LARP1: variants seen among roughly 807,000 people sequenced by gnomAD.
LARP1 encodes La ribonucleoprotein 1, translational regulator.
Under a neutral mutation model 122.7 loss-of-function variants are expected in LARP1, and 36 were observed. The observed-to-expected ratio is 0.29, with a 90% CI of 0.22 to 0.39. The LOEUF (loss-of-function observed/expected upper bound fraction) is 0.39. Ranked by LOEUF, LARP1 falls within the 10% of genes least tolerant of loss-of-function variation. The pLI, the probability that LARP1 is intolerant of heterozygous loss-of-function variation, is 1.00. For synonymous variants in LARP1, 539 were observed against 528.7 expected (o/e 1.02, Z -0.27); for missense variants, 1,040 against 1,403.6 (o/e 0.74, Z 4.14).
chr5:154,796,149 A>G (rs1218600115), intron 8 of LARP1, among the ~76,000 whole-genome samples: 12 of 121,444 alleles, frequency 9.9e-5, no homozygotes, highest in Non-Finnish European at 1.5e-4. Context: ...TTTATATATT[A>G]TATATATATT....
At chr5:154,804,398 A>T in intron 14 of LARP1, 91 bp downstream of exon 14, 1 of 805,982 alleles carries the variant, frequency 1.2e-6, no homozygotes, top group Non-Finnish European at 2.0e-6. Flanking sequence ...GATTGGTCTG[A>T]AAATTAAAGG....
At position 154,786,571 on chromosome 5, in the gene LARP1, C is replaced by T. The variant is rs75313830; in HGVS notation, c.437-3754C>T. ...CCTGCTACAGTCTGGGCCTCGGAGA[C>T]CTGTGGACAGATAAGCTGCTGGGCC... On this transcript the variant is annotated intron_variant, in intron 1 of 18. Coordinates refer to ENST00000518297, the MANE Select transcript of LARP1 (RefSeq NM_033551.3). 2.9e-3 allele frequency: 1,305 copies of T among 442,436 alleles called. 11 individuals are homozygous for T. The highest frequency in any genetic ancestry group is 0.024 in the African/African-American group (1,171 of 49,596). 27.4% of individuals were successfully genotyped at this position (442,436 alleles called of 1,614,324 possible). A position where few individuals can be genotyped will look rare whatever the true frequency, so the allele number is the denominator to read the frequency against.
chr5:154,809,872 A>AT (rs1033470704), intron 16 of LARP1, among the ~76,000 whole-genome samples: 8 of 150,710 alleles, frequency 5.3e-5, no homozygotes, highest in Admixed American at 2.6e-4. Flanking sequence ...CGCCTGGCTA[A>AT]TTTTTTTTGT....
intron 1 of LARP1, among the ~76,000 whole-genome samples, chr5:154,704,405 G>A (rs1301748458): frequency 6.6e-6 from 1 of 152,122 alleles, no homozygotes; most frequent in Non-Finnish European, 1.5e-5. Flanking sequence ...CCAGCACTTT[G>A]GGAGGCCAAG....
intron 1 of LARP1, among the ~76,000 whole-genome samples, chr5:154,774,152 T>C (rs1755669806): frequency 6.6e-6 from 1 of 152,028 alleles, no homozygotes; most frequent in Admixed American, 6.6e-5. Flanking sequence ...GCTGCTGGCC[T>C]CCTCCGTCCC....
At chr5:154,805,720 A>G (rs566750448) in intron 14 of LARP1, 161 bp from the exon 15 acceptor site, 3 of 698,410 alleles carry the variant, frequency 4.3e-6, no homozygotes, top group East Asian at 5.1e-5. Flanking sequence ...AGAGTTAATC[A>G]GACCCATGGA....
At chr5:154,695,521 G>T (rs1020189625) in intron 1 of LARP1, among the ~76,000 whole-genome samples, 1 of 151,886 alleles carries the variant, frequency 6.6e-6, no homozygotes, top group South Asian at 2.1e-4. Context: ...GCTGGGCATG[G>T]TGGCGCGCGC....
intron 1 of LARP1, among the ~76,000 whole-genome samples, chr5:154,698,398 A>T (rs552138716): frequency 6.6e-6 from 1 of 152,226 alleles, no homozygotes; most frequent in South Asian, 2.1e-4. Context: ...GGAGTTCGAG[A>T]CCAGCCTGGC....
Position 154,702,404 on chromosome 5 carries a change from A to C in LARP1, c.-180+19367A>C, listed in dbSNP as rs994339984. Among the ~76,000 whole-genome samples the C allele has an allele frequency of 2.0e-5, 3 of 151,886 alleles. No individual in the cohort carries two copies. In the South Asian group the frequency reaches 6.2e-4, roughly 32 times the overall value. ...AACCCCATCTCTACTAAAAATACAA[A>C]AATTTCCCGGGCGTGGTGGTGGGCA... On this transcript the variant is annotated intron_variant, in intron 1 of 18. Coordinates refer to the LARP1 transcript ENST00000687700.
At chr5:154,743,343 T>C (rs1753008592) in intron 1 of LARP1, among the ~76,000 whole-genome samples, 1 of 151,750 alleles carries the variant, frequency 6.6e-6, no homozygotes, top group African/African-American at 2.4e-5. Flanking sequence ...AATTTCGCTC[T>C]TGTTGCCCAG....
intron 1 of LARP1, among the ~76,000 whole-genome samples, chr5:154,743,834 G>T (rs1379627129): frequency 6.6e-6 from 1 of 151,996 alleles, no homozygotes; most frequent in Non-Finnish European, 1.5e-5. Flanking sequence ...TGGCCAGGCT[G>T]GTCTCCAACT....
At chr5:154,722,329 A>G (rs1755924079) in intron 1 of LARP1, among the ~76,000 whole-genome samples, 1 of 152,088 alleles carries the variant, frequency 6.6e-6, no homozygotes, top group African/African-American at 2.4e-5. Context: ...CAATAGTGCA[A>G]CACCAGGGAG....
In LARP1 at chr5:154,815,026, G is replaced by A. The variant is rs1419790200; in HGVS notation, c.*930G>A. 1.3e-5 allele frequency: 2 copies of A among 152,366 alleles called. No individual in the cohort carries two copies. The highest frequency in any genetic ancestry group is 4.8e-5 in the African/African-American group (2 of 41,332). The allele number at this position is 152,366 out of a possible 1,614,324, so 9.4% of individuals were successfully genotyped here. The stretch of plus-strand genomic sequence containing the variant: ...TTTAAAAGTTGCCTTATTGTGGAGC[G>A]GGAATCTGAAATACCCAAATGCCTG... On this transcript the variant is annotated 3_prime_UTR_variant, in exon 19 of 19. Coordinates refer to ENST00000518297, the MANE Select transcript of LARP1 (RefSeq NM_033551.3).
At chr5:154,795,813 ATATATATATTTATATATATATTT>A (rs1416133367) in intron 8 of LARP1, among the ~76,000 whole-genome samples, 7 of 112,132 alleles carry the variant, frequency 6.2e-5, no homozygotes, top group Non-Finnish European at 1.1e-4. Context: ...AATTGGCGCC[ATATATATATTTATATATATATTT>A]TATATATATT....
upstream of LARP1, among the ~76,000 whole-genome samples, chr5:154,754,638 C>T (rs903299096): frequency 1.3e-5 from 2 of 152,260 alleles, no homozygotes; most frequent in Non-Finnish European, 2.9e-5. Flanking sequence ...TTCCCACTTC[C>T]TAGGCGCCGG....
chr5:154,741,321 C>T (rs916027953), intron 1 of LARP1, among the ~76,000 whole-genome samples: 2 of 152,156 alleles, frequency 1.3e-5, no homozygotes, highest in African/African-American at 4.8e-5. Flanking sequence ...TCAGAGGCCA[C>T]GCAGCATTCT....
chr5:154,779,595 A>G (rs1582386981), intron 1 of LARP1, among the ~76,000 whole-genome samples: 3 of 135,254 alleles, frequency 2.2e-5, no homozygotes, highest in Non-Finnish European at 1.5e-5. Flanking sequence ...CGCAACCTCC[A>G]CCTCCCGGAT....
At position 154,793,968 on chromosome 5, in the gene LARP1, G is replaced by T. The variant is rs189865108; in HGVS notation, c.1037G>T (p.Arg346Leu). 11 of 1,611,520 alleles carry T rather than the reference G, an allele frequency of 6.8e-6. No individual in the cohort carries two copies. The Admixed American group carries it at 1.8e-4, about 27-fold the overall frequency. ...SFRGRGRGRG[R>L]GRGRGRGGTR... ...CGTGGCCGTGGACGGGGGCGTGGTCGCGGCCGGGGACGCGGCCGGGGTGGC... is the reference window on the plus strand; with the variant it reads ...CGTGGCCGTGGACGGGGGCGTGGTCTCGGCCGGGGACGCGGCCGGGGTGGC... Residue 346 changes from arginine (R) to leucine (L), a missense_variant, in exon 6 of 19, where the codon CGC becomes CTC. Physicochemically the swap from Arg to Leu is moderately radical, Grantham distance 102 (BLOSUM62 -2). This residue lies in a region of LARP1 where 178 missense variants were observed against 178.3 expected (regional missense o/e 1.00). Coordinates refer to ENST00000518297, the MANE Select transcript of LARP1 (RefSeq NM_033551.3).
intron 1 of LARP1, among the ~76,000 whole-genome samples, chr5:154,750,343 C>T (rs570146206): frequency 6.6e-6 from 1 of 152,230 alleles, no homozygotes; most frequent in South Asian, 2.1e-4. Context: ...AATCATGGCT[C>T]ACTGCAGTCT....
Sources: gnomAD v4.1 joint callset for allele counts (sites outside exome capture counted in the v4.1 genomes callset) on GRCh38, gnomAD v4.1.1 for gene constraint, gnomAD v4.1.1 regional missense constraint, MANE v1.5 for transcripts, NCBI Gene and HGNC (gene_info 2026-07-23, HGNC 2026-07-21) for gene names.